PFAS: variants seen among roughly 807,000 people sequenced by gnomAD.
The protein encoded by PFAS is phosphoribosylformylglycinamidine synthase, also known as FGAM synthase.
PFAS carries 97 observed loss-of-function variants against 140.6 expected under a neutral mutation model. The ratio of observed to expected loss-of-function variants is 0.69; its 90% CI spans 0.59 to 0.82. The LOEUF (loss-of-function observed/expected upper bound fraction) is 0.82. Among genes scored for constraint, PFAS ranks in the 40% least tolerant of loss-of-function variants. The probability of loss-of-function intolerance (pLI) is 0.00; values close to 1 mark genes in which losing one functional copy is unlikely to be tolerated. For missense variants in PFAS, 1,656 were observed against 1,780.2 expected, an observed-to-expected ratio of 0.93 and a Z score of 1.26; for synonymous variants, 679 against 718.8, an observed-to-expected ratio of 0.94 and a Z score of 0.88.
At chr17:8,263,492 C>A in intron 13 of PFAS, 83 bp from the exon 14 acceptor site, 3 of 1,233,128 alleles carry the variant, frequency 2.4e-6, no homozygotes, top group Non-Finnish European at 3.6e-6. Flanking sequence ...CACCAAATTA[C>A]AGGCCCCTTT....
At chr17:8,248,223 A>C, upstream of PFAS, 1 of 595,880 alleles carries the variant, frequency 1.7e-6, no homozygotes, top group Non-Finnish European at 3.0e-6. Flanking sequence ...CCAACTCCCG[A>C]CACCCCTGTC....
In PFAS at chr17:8,266,199, C is replaced by G. The variant is rs751453747; in HGVS notation, c.2702-35C>G. On this transcript the variant is annotated intron_variant, in intron 21 of 27. Coordinates refer to ENST00000314666, the MANE Select transcript of PFAS (RefSeq NM_012393.3). The surrounding 1 kb of genome is among the most constrained non-coding windows in gnomAD (Gnocchi z 5.0). ...TGGGGTGGGGCTGTCAGGTTTGGGTCCCGAGGTTGCTGAGCTTTCTTCTCC... is the reference window on the plus strand; with the variant it reads ...TGGGGTGGGGCTGTCAGGTTTGGGTGCCGAGGTTGCTGAGCTTTCTTCTCC... The G allele has an allele frequency of 1.2e-6, 2 of 1,611,720 alleles. No individual in the cohort carries two copies. The highest frequency in any genetic ancestry group is 1.7e-6 in the Non-Finnish European group (2 of 1,178,684).
chr17:8,247,671 T>C (rs927438486), upstream of PFAS: 10 of 263,610 alleles, frequency 3.8e-5, no homozygotes, highest in African/African-American at 6.8e-5. Flanking sequence ...CTTATTATGG[T>C]TGCCCTTTTC....
chr17:8,252,794 C>T (rs553767165), intron 1 of PFAS, among the ~76,000 whole-genome samples: 4 of 152,086 alleles, frequency 2.6e-5, no homozygotes, highest in African/African-American at 9.6e-5. Context: ...ATTTTTGTAT[C>T]TTTTTTGAGA....
chr17:8,265,135 C>A lies in PFAS; in HGVS notation c.2280+10C>A, dbSNP rs770706354. ...GGTCACTGACCTCCGGGTGAGTTCT[C>A]CCACAGCTTCTATCCTGGAGCCCCC... On this transcript the variant is annotated intron_variant, in intron 18 of 27. Transcript: ENST00000314666. 1 of 1,604,456 alleles carries A rather than the reference C, an allele frequency of 6.2e-7. No homozygotes were observed. Among genetic ancestry groups the A allele is most frequent in the East Asian group, 2.2e-5 (1 of 44,712 alleles).
intron 6 of PFAS, 112 bp downstream of exon 6, chr17:8,256,022 G>T (rs990824131): frequency 1.1e-6 from 1 of 886,364 alleles, no homozygotes. Context: ...GAGTCTCTGA[G>T]GGCCTGGGCT....
Position 8,264,329 on chromosome 17 carries a change from C to G in PFAS, c.1909C>G (p.Pro637Ala), listed in dbSNP as rs747732796. ...GCTCGAATGGGTGCTGGGCAAGATGCCTCGGAAGGTATGTGGGGTTGAGGG... is the reference window on the plus strand; with the variant it reads ...GCTCGAATGGGTGCTGGGCAAGATGGCTCGGAAGGTATGTGGGGTTGAGGG... ...LELEWVLGKM[P>A]RKEFFLQRKP... The change falls in exon 16 of 28, where the codon CCT becomes GCT. Residue 637 changes from proline (P) to alanine (A), a missense_variant. This residue lies in a region of PFAS where 883 missense variants were observed against 1,023.0 expected (regional missense o/e 0.86). Transcript: ENST00000314666. 1 of 1,613,860 alleles carries G rather than the reference C, an allele frequency of 6.2e-7. No homozygotes were observed.
In PFAS at chr17:8,255,583, C is replaced by G. The variant is rs752671234; in HGVS notation, c.466C>G (p.His156Asp). ...HDRMTEQHFPHPIQSFSPESM... is the reference protein window; with the variant it reads ...HDRMTEQHFPDPIQSFSPESM... ...CCGGATGACAGAGCAGCACTTCCCC[C>G]ATCCCATCCAGAGTTTCTCCCCTGA... The change falls in exon 5 of 28, where the codon CAT becomes GAT. Residue 156 changes from histidine (H) to aspartate (D), a missense_variant. Physicochemically the swap from His to Asp is moderately conservative, Grantham distance 81 (BLOSUM62 -1). Coordinates refer to ENST00000314666, the MANE Select transcript of PFAS (RefSeq NM_012393.3). 7.0e-6 allele frequency: 11 copies of G among 1,562,136 alleles called. No homozygotes were observed. The highest frequency in any genetic ancestry group is 4.5e-5 in the East Asian group (2 of 44,732).
chr17:8,255,975 C>T, intron 6 of PFAS, 65 bp downstream of exon 6: 1 of 1,247,590 alleles, frequency 8.0e-7, no homozygotes, highest in Non-Finnish European at 1.2e-6. Flanking sequence ...CACAGGGGCT[C>T]ACCTTCATGT....
At chr17:8,263,998 G>A in intron 15 of PFAS, 62 bp downstream of exon 15, 2 of 1,569,144 alleles carry the variant, frequency 1.3e-6, no homozygotes, top group Non-Finnish European at 1.7e-6. Context: ...CTGGGTATGG[G>A]CTAGAGGGAG....
At position 8,266,396 on chromosome 17, in the gene PFAS, C is replaced by G; in HGVS notation, c.2821+43C>G. On this transcript the variant is annotated intron_variant, in intron 22 of 27. Transcript: ENST00000314666. The surrounding 1 kb of genome is among the most constrained non-coding windows in gnomAD (Gnocchi z 5.0). ...TAGTCTCAGGCCCGGGCTGCCTTCT[C>G]TACCCTGCAGACCCCATTTCCAATA... The G allele has an allele frequency of 1.2e-6, 2 of 1,612,444 alleles. No homozygotes were observed. The highest frequency in any genetic ancestry group is 1.7e-4 in the Middle Eastern group (1 of 6,054).
rs755291903 is a variant in PFAS, at chr17:8,254,061, T to C, written c.124T>C (p.Tyr42His). 1 of 1,614,146 alleles carries C rather than the reference T, an allele frequency of 6.2e-7. No individual in the cohort carries two copies. Among genetic ancestry groups the C allele is most frequent in the Admixed American group, 1.7e-5 (1 of 60,022 alleles). ...ELQGVETELC[Y>H]NVNWTAEALP... ...GCAGGGCGTCGAGACTGAACTGTGC[T>C]ACAACGTGAACTGGACAGGTTGGGC... Residue 42 changes from tyrosine to histidine, a missense_variant, in exon 2 of 28, where the codon TAC (tyrosine) becomes CAC (histidine). By Grantham distance (83) the Tyr-to-His change is moderately conservative. Coordinates refer to ENST00000314666, the MANE Select transcript of PFAS (RefSeq NM_012393.3).
In PFAS at chr17:8,266,150, T is replaced by C; in HGVS notation, c.2702-84T>C. 3 of 1,580,998 alleles carry C rather than the reference T, an allele frequency of 1.9e-6. No individual in the cohort carries two copies. Among genetic ancestry groups the C allele is most frequent in the Non-Finnish European group, 2.6e-6 (3 of 1,160,326 alleles). ...GATCCCCTGACATTCTGACACACAC[T>C]CTTGATGGACTGACTCCGGAAGGTG... On this transcript the variant is annotated intron_variant, in intron 21 of 27. Coordinates refer to ENST00000314666, the MANE Select transcript of PFAS (RefSeq NM_012393.3). This position sits in a 1 kb window ranked among gnomAD's most constrained non-coding sequence, Gnocchi z 5.0.
In PFAS at chr17:8,264,356, A is replaced by T. The variant is rs759526596; in HGVS notation, c.1917+19A>T. 2 of 1,612,900 alleles carry T rather than the reference A, an allele frequency of 1.2e-6. No homozygotes were observed. Among genetic ancestry groups the T allele is most frequent in the South Asian group, 2.2e-5 (2 of 91,004 alleles). On this transcript the variant is annotated intron_variant, in intron 16 of 27. Coordinates refer to ENST00000314666, the MANE Select transcript of PFAS (RefSeq NM_012393.3). ...TCGGAAGGTATGTGGGGTTGAGGGG[A>T]TGGGTTTTTCCTGTGGTCCTCTCCA...
Position 8,266,057 on chromosome 17 carries a change from A to G in PFAS, c.2701+40A>G, listed in dbSNP as rs1989800575. On this transcript the variant is annotated intron_variant, in intron 21 of 27. Coordinates refer to ENST00000314666, the MANE Select transcript of PFAS (RefSeq NM_012393.3). This position sits in a 1 kb window ranked among gnomAD's most constrained non-coding sequence, Gnocchi z 5.0. ...CTGGGGAGATAGCGCACAGGGTGCC[A>G]GGCGTGCAGCAGGCGTTCACCATCT... The G allele has an allele frequency of 1.9e-6, 3 of 1,563,438 alleles. No individual in the cohort carries two copies. Among genetic ancestry groups the G allele is most frequent in the Non-Finnish European group, 2.6e-6 (3 of 1,149,514 alleles).
At chr17:8,249,104 GA>G (rs1989015416), upstream of PFAS, among the ~76,000 whole-genome samples, 1 of 152,158 alleles carries the variant, frequency 6.6e-6, no homozygotes, top group Non-Finnish European at 1.5e-5. Context: ...CGGGGACGGG[GA>G]ACTGAATGTA....
At position 8,267,610 on chromosome 17, in the gene PFAS, T is replaced by C. The variant is rs891686126; in HGVS notation, c.3327T>C (p.Arg1109=). ...GGGCAATTGGGCTGGACACTTTCCG[T>C]GGCGTGGCCTTCGTGGGCGGCTTCA... The part of the protein sequence containing the change: ...CSGAIGLDTF[R]GVAFVGGFSY... The change falls in exon 26 of 28, where the codon CGT becomes CGC. Residue 1109 remains arginine (R), a synonymous_variant. Transcript: ENST00000314666. The surrounding 1 kb of genome is among the most constrained non-coding windows in gnomAD (Gnocchi z 4.9). 3 of 1,613,650 alleles carry C rather than the reference T, an allele frequency of 1.9e-6. No homozygotes were observed. The highest frequency in any genetic ancestry group is 1.7e-4 in the Middle Eastern group (1 of 6,060).
In PFAS at chr17:8,269,618, G is replaced by C. The variant is rs1989954061; in HGVS notation, c.*354G>C. 4.4e-6 allele frequency: 1 copy of C among 227,144 alleles called. No individual in the cohort carries two copies. The highest frequency in any genetic ancestry group is 8.7e-6 in the Non-Finnish European group (1 of 114,852). 14.1% of individuals were successfully genotyped at this position (227,144 alleles called of 1,614,324 possible). ...TCACCGGTGTGCAATTGCCTCCTTG[G>C]CTCTGAGGGATGTTTTGCGCTCCCT... On this transcript the variant is annotated 3_prime_UTR_variant, in exon 28 of 28. Coordinates refer to ENST00000314666, the MANE Select transcript of PFAS (RefSeq NM_012393.3).
chr17:8,256,415 G>T lies in PFAS; in HGVS notation c.821+8G>T. ...ATTCTGTGATAACAGCAGGTGCTGT[G>T]CCCTAGACTGGGTTGGCGTCAGGAC... On this transcript the variant is annotated splice_region_variant and intron_variant, in intron 7 of 27. Coordinates refer to ENST00000314666, the MANE Select transcript of PFAS (RefSeq NM_012393.3). The T allele has an allele frequency of 6.2e-7, 1 of 1,614,044 alleles. No homozygotes were observed. The highest frequency in any genetic ancestry group is 8.5e-7 in the Non-Finnish European group (1 of 1,180,018).
Sources: gnomAD v4.1 joint callset for allele counts (sites outside exome capture counted in the v4.1 genomes callset) on GRCh38, gnomAD v4.1.1 for gene constraint, gnomAD v4.1.1 regional missense constraint, Gnocchi (gnomAD v3.1) non-coding constraint, MANE v1.5 for transcripts, NCBI Gene and HGNC (gene_info 2026-07-23, HGNC 2026-07-21) for gene names.